CFAP65: variants seen among roughly 807,000 people sequenced by gnomAD.
CFAP65 encodes the protein cilia and flagella associated protein 65.
A neutral mutation model predicts 208.0 loss-of-function variants in CFAP65; 155 were observed. That is an observed-to-expected ratio of 0.75 (90% CI 0.65 to 0.85). The LOEUF (loss-of-function observed/expected upper bound fraction) is 0.85, where lower values mean the gene tolerates loss of function less well. Among genes scored for constraint, CFAP65 ranks in the 40% least tolerant of loss-of-function variants. CFAP65 has a pLI of 0.00. For synonymous variants in CFAP65, 970 were observed against 986.3 expected (o/e 0.98, Z 0.31); for missense variants, 2,294 against 2,451.3 (o/e 0.94, Z 1.36).
In CFAP65 at chr2:219,016,961, G is replaced by A. The variant is rs142221463; in HGVS notation, c.3602+2090C>T. Among the ~76,000 whole-genome samples, 210 of 152,336 alleles carry A rather than the reference G, an allele frequency of 1.4e-3. 1 individual carries two copies. The highest frequency in any genetic ancestry group is 4.7e-3 in the African/African-American group (197 of 41,580). On this transcript the variant is annotated intron_variant, in intron 21 of 34. Transcript: ENST00000341552. ...ACACCAGGCCCTCTGTCTGGAAGGC[G>A]CTTCACAACCTTTCTGCCTTTTCCC...
rs549679524 is a variant in CFAP65 at position 219,027,124 on chromosome 2, C to T, written c.2211+526G>A. The T allele has an allele frequency of 2.7e-5, 30 of 1,094,580 alleles. No homozygotes were observed. The Middle Eastern group carries it at 1.6e-3, about 60-fold the overall frequency. 67.8% of individuals were successfully genotyped at this position (1,094,580 alleles called of 1,614,324 possible). A position where few individuals can be genotyped will look rare whatever the true frequency, so the allele number is the denominator to read the frequency against. ...AGAAGGAAGGGATGGGCAGGACTAACGGATGAGGAGGGGGCACCACGCATC... is the reference window on the plus strand; with the variant it reads ...AGAAGGAAGGGATGGGCAGGACTAATGGATGAGGAGGGGGCACCACGCATC... On this transcript the variant is annotated intron_variant, in intron 13 of 34. Transcript: ENST00000341552.
chr2:219,032,524 G>A lies in CFAP65; in HGVS notation c.591C>T (p.Phe197=), dbSNP rs1046715987. The A allele has an allele frequency of 6.2e-7, 1 of 1,607,716 alleles. No individual in the cohort carries two copies. The highest frequency in any genetic ancestry group is 1.3e-5 in the African/African-American group (1 of 74,944). ...GCGTGAGGGTTATGCCTGGGCTCAG[G>A]AAGATGGGCTGAGGGATGACCGTGA... ...FFFTVIPQPI[F]LSPGITLTLP... The change falls in exon 6 of 35, where the codon TTC becomes TTT. Residue 197 remains phenylalanine (F), a synonymous_variant. Coordinates refer to ENST00000341552, the MANE Select transcript of CFAP65 (RefSeq NM_194302.4). This position sits in a 1 kb window ranked among gnomAD's most constrained non-coding sequence, Gnocchi z 5.5.
At chr2:219,040,679 A>T in intron 1 of CFAP65, 115 bp from the exon 2 acceptor site, 2 of 1,487,794 alleles carry the variant, frequency 1.3e-6, no homozygotes. Context: ...CTCCTGCCTC[A>T]GAGCTCTGAA....
Position 219,003,067 on chromosome 2 carries a change from G to A in CFAP65, c.5694-46C>T. ...GGTAGGCGTGGGGGCGAGGCTTCGG[G>A]CAGAGCCTGGCTGCCCCCGTGGCCC... On this transcript the variant is annotated intron_variant, in intron 34 of 34. Coordinates refer to ENST00000341552, the MANE Select transcript of CFAP65 (RefSeq NM_194302.4). This position sits in a 1 kb window ranked among gnomAD's most constrained non-coding sequence, Gnocchi z 4.4. 6.5e-7 allele frequency: 1 copy of A among 1,549,682 alleles called. No homozygotes were observed. The highest frequency in any genetic ancestry group is 1.2e-5 in the South Asian group (1 of 84,058).
Position 219,028,137 on chromosome 2 carries a change from T to C in CFAP65, c.1851+64A>G. The C allele has an allele frequency of 2.5e-6, 4 of 1,583,206 alleles. No homozygotes were observed. The South Asian group carries it at 3.5e-5, about 14-fold the overall frequency. On this transcript the variant is annotated intron_variant, in intron 12 of 34. Transcript: ENST00000341552. The stretch of plus-strand genomic sequence containing the variant: ...ACTACTAATGGTGCCCATGGGACCC[T>C]GGGGGCATGGGATTGCCCAAGAATC...
At position 219,013,358 on chromosome 2, in the gene CFAP65, T is replaced by C; in HGVS notation, c.3858A>G (p.Ile1286Met). ...TCTGCTCCGGCTTCACTGTCACACC[T>C]ATGAAATTTAGCTGGAAATAAAAGT... Reference protein sequence around the residue: ...SHGREILLNFIGVTVKPEQKY... With the variant: ...SHGREILLNFMGVTVKPEQKY... The change falls in exon 24 of 35, where the codon ATA becomes ATG. Residue 1286 changes from isoleucine to methionine, a missense_variant. Around this residue, in one of 2 missense-constraint regions of CFAP65, gnomAD observed 1,427 missense variants for 1,438.7 expected, o/e 0.99. Coordinates refer to ENST00000341552, the MANE Select transcript of CFAP65 (RefSeq NM_194302.4). 1 of 1,612,404 alleles carries C rather than the reference T, an allele frequency of 6.2e-7. No homozygotes were observed. Among genetic ancestry groups the C allele is most frequent in the Non-Finnish European group, 8.5e-7 (1 of 1,179,062 alleles).
At chr2:219,019,468 T>TGCCCCCA (rs1307386184) in intron 20 of CFAP65, 38 bp downstream of exon 20, 2 of 1,554,540 alleles carry the variant, frequency 1.3e-6, no homozygotes, top group Non-Finnish European at 1.8e-6. Context: ...AGATAGGCCC[T>TGCCCCCA]GCCCCCAGCC....
chr2:219,040,538 G>A lies in CFAP65; in HGVS notation c.-22C>T. The A allele has an allele frequency of 3.3e-6, 5 of 1,534,162 alleles. No homozygotes were observed. The highest frequency in any genetic ancestry group is 4.4e-6 in the Non-Finnish European group (5 of 1,131,302). ...TCCTACCTCCAATTGTGAACTGGAC[G>A]TTCAGATGAAATCAAAGAAATGTAA... On this transcript the variant is annotated 5_prime_UTR_variant, in exon 2 of 35. In the 5' UTR this introduces an upstream ATG that the reference lacks. Transcript: ENST00000341552.
rs533504544 is a variant in CFAP65 at position 219,019,635 on chromosome 2, G to A, written c.3344C>T (p.Ser1115Phe). ...YPLLSILDVS[S>F]MGSAEGITRK... ...GGTGATACCCTCAGCACTGCCCATG[G>A]AGCTGACATCCAGGATGGAAAGCAA... The change falls in exon 20 of 35, where the codon TCC becomes TTC. Residue 1115 changes from serine (S) to phenylalanine (F), a missense_variant. Coordinates refer to ENST00000341552, the MANE Select transcript of CFAP65 (RefSeq NM_194302.4). 8 of 1,613,830 alleles carry A rather than the reference G, an allele frequency of 5.0e-6. No homozygotes were observed. The African/African-American group carries it at 1.1e-4, about 22-fold the overall frequency.
rs1214346123 is a variant in CFAP65 at position 219,003,052 on chromosome 2, G to A, written c.5694-31C>T. The stretch of plus-strand genomic sequence containing the variant: ...AGACAAAAAGTCCCAGGTAGGCGTG[G>A]GGGCGAGGCTTCGGGCAGAGCCTGG... On this transcript the variant is annotated intron_variant, in intron 34 of 34. Transcript: ENST00000341552. This position sits in a 1 kb window ranked among gnomAD's most constrained non-coding sequence, Gnocchi z 4.4. 3.2e-6 allele frequency: 5 copies of A among 1,551,856 alleles called. No individual in the cohort carries two copies. In the South Asian group the frequency reaches 5.9e-5, roughly 18 times the overall value.
intron 21 of CFAP65, among the ~76,000 whole-genome samples, chr2:219,016,828 T>TC (rs1946919906): frequency 6.6e-6 from 1 of 152,150 alleles, no homozygotes; most frequent in Non-Finnish European, 1.5e-5. Context: ...CAGGAAGAAG[T>TC]CCAAACTGTC....
Position 219,004,190 on chromosome 2 carries a change from C to G in CFAP65, c.5317G>C (p.Glu1773Gln), listed in dbSNP as rs779045715. The G allele has an allele frequency of 5.1e-5, 83 of 1,613,878 alleles. No homozygotes were observed. The highest frequency in any genetic ancestry group is 5.2e-5 in the Non-Finnish European group (61 of 1,180,024). The change falls in exon 33 of 35, where the codon GAA becomes CAA. Residue 1773 changes from glutamate to glutamine, a missense_variant. By Grantham distance (29) the Glu-to-Gln change is conservative. This residue lies in a region of CFAP65 where 1,427 missense variants were observed against 1,438.7 expected (regional missense o/e 0.99). Transcript: ENST00000341552. This position sits in a 1 kb window ranked among gnomAD's most constrained non-coding sequence, Gnocchi z 4.7. ...TCCTCCTCTTCCTCCTCCAACTCTT[C>G]TTCTTCCTCTTCACCCTTCTCCTCC... Reference protein sequence around the residue: ...GEEEKGEEEEEELEEEEEEEE... With the variant: ...GEEEKGEEEEQELEEEEEEEE...
rs147854041 is a variant in CFAP65, at chr2:219,027,756, C to T, written c.2105G>A (p.Ser702Asn). Residue 702 changes from serine (S) to asparagine (N), a missense_variant, in exon 13 of 35, where the codon AGC becomes AAC. By Grantham distance (46) the Ser-to-Asn change is conservative. This residue lies in a region of CFAP65 where 867 missense variants were observed against 1,012.6 expected (regional missense o/e 0.86). Transcript: ENST00000341552. ...SDCPFWVTPE[S>N]CDVPPLKSMA... ...GGACTTGAGTGGGGGCACGTCGCAG[C>T]TCTCTGGAGTCACCCAGAAGGGGCA... is the stretch of plus-strand genomic sequence containing the variant. 1.8e-5 allele frequency: 29 copies of T among 1,614,002 alleles called. No individual in the cohort carries two copies. In the African/African-American group the frequency reaches 3.6e-4, roughly 20 times the overall value.
At chr2:219,012,151 A>AAAT (rs1162066278) in intron 24 of CFAP65, among the ~76,000 whole-genome samples, 1 of 152,212 alleles carries the variant, frequency 6.6e-6, no homozygotes, top group Non-Finnish European at 1.5e-5. Flanking sequence ...AAATTACAAT[A>AAAT]AATTATAATA....
intron 1 of CFAP65, 76 bp downstream of exon 1, chr2:219,041,412 G>A (rs890639972): frequency 6.7e-7 from 1 of 1,489,330 alleles, no homozygotes; most frequent in Non-Finnish European, 9.2e-7. Context: ...AGGGTCTCCC[G>A]GGACAGATAC....
At chr2:219,009,754 A>G (rs962110912) in intron 27 of CFAP65, among the ~76,000 whole-genome samples, 188 bp downstream of exon 27, 11 of 22,478 alleles carry the variant, frequency 4.9e-4, no homozygotes, top group Non-Finnish European at 6.2e-4. Flanking sequence ...GATGGGATGG[A>G]GTGGGGTGGG....
chr2:219,034,776 C>G (rs190867746), intron 5 of CFAP65: 1 of 152,398 alleles, frequency 6.6e-6, no homozygotes, highest in East Asian at 1.9e-4. Context: ...CAAAAAGACA[C>G]TCATCCTCAT....
At chr2:219,007,377 C>T (rs1159067089) in intron 29 of CFAP65, among the ~76,000 whole-genome samples, 2 of 152,014 alleles carry the variant, frequency 1.3e-5, no homozygotes, top group African/African-American at 4.8e-5. Context: ...CAGGGTCTCA[C>T]TATGTTGTCC....
Position 219,021,811 on chromosome 2 carries a change from G to A in CFAP65, c.3099C>T (p.Gly1033=). ...TLYYRLYLEQ[G]SPEAVDNHPL... Reference sequence around the variant, plus strand: ...GGTGGTTGTCAACGGCCTCAGGGCTGCCCTGCTCCAGGTAGAGGCGGTAAT... The same window carrying A: ...GGTGGTTGTCAACGGCCTCAGGGCTACCCTGCTCCAGGTAGAGGCGGTAAT... The change falls in exon 18 of 35, where the codon GGC becomes GGT. Residue 1033 remains glycine (G), a synonymous_variant. Coordinates refer to ENST00000341552, the MANE Select transcript of CFAP65 (RefSeq NM_194302.4). The A allele has an allele frequency of 6.2e-7, 1 of 1,613,788 alleles. No individual in the cohort carries two copies. Among genetic ancestry groups the A allele is most frequent in the African/African-American group, 1.3e-5 (1 of 75,050 alleles).
Sources: gnomAD v4.1 joint callset for allele counts (sites outside exome capture counted in the v4.1 genomes callset) on GRCh38, gnomAD v4.1.1 for gene constraint, gnomAD v4.1.1 regional missense constraint, Gnocchi (gnomAD v3.1) non-coding constraint, MANE v1.5 for transcripts, NCBI Gene and HGNC (gene_info 2026-07-23, HGNC 2026-07-21) for gene names.